The following TMCO4 variants were observed in gnomAD, a reference collection of about 807,000 sequenced individuals.
The protein encoded by TMCO4 is transmembrane and coiled-coil domains 4.
In TMCO4, 58 loss-of-function variants were observed where a neutral mutation model predicts 64.7. The ratio of observed to expected loss-of-function variants is 0.90; its 90% CI spans 0.73 to 1.12. The LOEUF (loss-of-function observed/expected upper bound fraction) is 1.12. Among genes scored for constraint, TMCO4 ranks in the 50% most tolerant of loss-of-function variants. The pLI, the probability that TMCO4 is intolerant of heterozygous loss-of-function variation, is 0.00. For missense variants in TMCO4, 780 were observed against 825.9 expected, an observed-to-expected ratio of 0.94 and a Z score of 0.68; for synonymous variants, 325 against 346.1, an observed-to-expected ratio of 0.94 and a Z score of 0.68.
At position 19,796,411 on chromosome 1, in the gene TMCO4, C is replaced by T. The variant is rs531063571; in HGVS notation, c.-101+1726G>A. ...CTCCACCTCTCCTTGGACATAATGG[C>T]CGGTTGCTAATGTGTCTGTCTCCCT... On this transcript the variant is annotated intron_variant, in intron 2 of 15. Transcript: ENST00000294543. Among the ~76,000 whole-genome samples, 57 of 152,182 alleles carry T rather than the reference C, an allele frequency of 3.7e-4. No individual in the cohort carries two copies. The South Asian group carries it at 8.3e-3, about 22-fold the overall frequency.
chr1:19,740,351 G>A (rs564231997), intron 11 of TMCO4, among the ~76,000 whole-genome samples: 8 of 152,278 alleles, frequency 5.3e-5, no homozygotes, highest in South Asian at 2.1e-4. Flanking sequence ...AGCCTCTTGC[G>A]CTTCTATCAT....
chr1:19,776,261 T>C (rs566657227), intron 4 of TMCO4, among the ~76,000 whole-genome samples: 5 of 152,258 alleles, frequency 3.3e-5, no homozygotes, highest in African/African-American at 4.8e-5. Context: ...AGAGCAACCA[T>C]GTGGAAACAA....
chr1:19,798,740 C>G (rs181069889), intron 1 of TMCO4, among the ~76,000 whole-genome samples: 4 of 152,328 alleles, frequency 2.6e-5, no homozygotes, highest in African/African-American at 9.6e-5. Flanking sequence ...CCTCCCTCCC[C>G]AGGCTGAAGG....
At chr1:19,716,857 G>C (rs1305263111) in intron 13 of TMCO4, among the ~76,000 whole-genome samples, 4 of 152,176 alleles carry the variant, frequency 2.6e-5, no homozygotes, top group Admixed American at 1.3e-4. Context: ...ATCCATGCTG[G>C]AGCCGCCAGC....
chr1:19,709,794 CTT>C (rs796672415), intron 13 of TMCO4, among the ~76,000 whole-genome samples: 1 of 134,706 alleles, frequency 7.4e-6, no homozygotes. Context: ...TCTTTTCTTT[CTT>C]TTTTTTTTTT....
intron 2 of TMCO4, among the ~76,000 whole-genome samples, chr1:19,790,843 A>T (rs992975172): frequency 6.6e-6 from 1 of 152,230 alleles, no homozygotes; most frequent in Non-Finnish European, 1.5e-5. Context: ...ATTCTATTAC[A>T]AAGATACCTG....
intron 14 of TMCO4, among the ~76,000 whole-genome samples, chr1:19,695,255 G>A (rs1033962697): frequency 3.9e-5 from 6 of 152,180 alleles, no homozygotes; most frequent in South Asian, 2.1e-4. Flanking sequence ...AAATGACCTC[G>A]GACCCTCTGC....
At chr1:19,725,898 A>G (rs2095406786) in intron 13 of TMCO4, among the ~76,000 whole-genome samples, 1 of 152,228 alleles carries the variant, frequency 6.6e-6, no homozygotes, top group Non-Finnish European at 1.5e-5. Context: ...TAGATCAACC[A>G]GCTGGCCCAG....
At chr1:19,786,644 C>T (rs1351749162) in intron 3 of TMCO4, among the ~76,000 whole-genome samples, 1 of 152,166 alleles carries the variant, frequency 6.6e-6, no homozygotes, top group African/African-American at 2.4e-5. Context: ...ATTAGGCTTC[C>T]TTGTAAAGGC....
chr1:19,709,286 C>CA (rs1553129858), intron 13 of TMCO4, among the ~76,000 whole-genome samples: 3 of 125,818 alleles, frequency 2.4e-5, no homozygotes, highest in African/African-American at 5.9e-5. Flanking sequence ...AACATCCCGG[C>CA]GGGGGGGGGG....
intron 15 of TMCO4, 61 bp downstream of exon 15, chr1:19,694,373 G>T: frequency 6.8e-7 from 1 of 1,459,924 alleles, no homozygotes; most frequent in Non-Finnish European, 9.5e-7. Context: ...GGGGACAGGG[G>T]TGGCTGGGCT....
chr1:19,787,655 C>T (rs1420550348), intron 2 of TMCO4, among the ~76,000 whole-genome samples: 2 of 152,226 alleles, frequency 1.3e-5, no homozygotes, highest in Non-Finnish European at 2.9e-5. Flanking sequence ...TCTGGAATTA[C>T]CCAAAGGAGG....
intron 6 of TMCO4, among the ~76,000 whole-genome samples, chr1:19,766,309 G>A (rs1041685991): frequency 3.9e-4 from 59 of 152,112 alleles, no homozygotes; most frequent in African/African-American, 1.4e-3. Context: ...GCCCATCCAC[G>A]ACACCAACCT....
intron 13 of TMCO4, among the ~76,000 whole-genome samples, chr1:19,705,523 T>TA (rs899605756): frequency 6.1e-5 from 9 of 147,554 alleles, no homozygotes; most frequent in South Asian, 4.4e-4. Flanking sequence ...GATAAAAAAA[T>TA]AAAAAAAAGA....
intron 15 of TMCO4, among the ~76,000 whole-genome samples, chr1:19,690,854 T>A (rs150979285): frequency 6.7e-6 from 1 of 149,468 alleles, no homozygotes; most frequent in South Asian, 2.1e-4. Flanking sequence ...GCCAAGTCTA[T>A]CTGTGAAGAC....
intron 13 of TMCO4, among the ~76,000 whole-genome samples, chr1:19,733,249 A>G (rs2095437867): frequency 6.6e-6 from 1 of 152,204 alleles, no homozygotes; most frequent in Admixed American, 6.5e-5. Flanking sequence ...TCTGGGTGAC[A>G]GAGCGAAACT....
At chr1:19,715,158 G>A (rs918146921) in intron 13 of TMCO4, among the ~76,000 whole-genome samples, 1 of 152,094 alleles carries the variant, frequency 6.6e-6, no homozygotes, top group African/African-American at 2.4e-5. Context: ...CTTCAGCCCG[G>A]AGGGGGTCGA....
At chr1:19,783,794 CCT>C (rs775451613) in intron 3 of TMCO4, among the ~76,000 whole-genome samples, 3 of 152,208 alleles carry the variant, frequency 2.0e-5, no homozygotes, top group African/African-American at 7.2e-5. Flanking sequence ...TCTTATTTCC[CCT>C]GTTTCAGATG....
At chr1:19,685,769 A>G (rs1192897452) in intron 15 of TMCO4, among the ~76,000 whole-genome samples, 1 of 133,616 alleles carries the variant, frequency 7.5e-6, no homozygotes, top group East Asian at 2.1e-4. Context: ...GCTGGAGTGC[A>G]ATGGTGCAGT....
Sources: allele counts gnomAD v4.1 joint callset (sites outside exome capture counted in the v4.1 genomes callset), GRCh38; gene constraint gnomAD v4.1.1; transcripts MANE v1.5; gene names NCBI Gene and HGNC (gene_info 2026-07-23, HGNC 2026-07-21).